The following RALYL variants were observed in gnomAD, a reference collection of about 807,000 sequenced individuals.
The protein encoded by RALYL is RALY RNA binding protein like.
Under a neutral mutation model 35.1 loss-of-function variants are expected in RALYL, and 29 were observed. The observed-to-expected ratio is 0.83, with a 90% CI of 0.61 to 1.13. RALYL has a LOEUF of 1.13. Ranked by LOEUF, RALYL falls within the 50% of genes most tolerant of loss-of-function variation. The probability of loss-of-function intolerance (pLI) is 0.00; values close to 1 mark genes in which losing one functional copy is unlikely to be tolerated. For synonymous variants in RALYL, 120 were observed against 127.6 expected (o/e 0.94, Z 0.40); for missense variants, 359 against 360.4 (o/e 1.00, Z 0.03).
chr8:84,427,081 A>G (rs2046570258), intron 1 of RALYL, among the ~76,000 whole-genome samples: 1 of 152,244 alleles, frequency 6.6e-6, no homozygotes, highest in Admixed American at 6.5e-5. Context: ...TGGTACATAT[A>G]TATAATTTTA....
chr8:84,570,262 A>G (rs969138268), intron 2 of RALYL, among the ~76,000 whole-genome samples: 2 of 151,518 alleles, frequency 1.3e-5, no homozygotes, highest in South Asian at 4.1e-4. Flanking sequence ...GATTTCTTTC[A>G]TCAGTATTTT....
chr8:84,523,349 GAAA>G (rs534837888), intron 1 of RALYL, among the ~76,000 whole-genome samples: 2 of 145,168 alleles, frequency 1.4e-5, no homozygotes, highest in African/African-American at 4.9e-5. Flanking sequence ...ACAGCATGGG[GAAA>G]AAAAAACCCA....
intron 2 of RALYL, among the ~76,000 whole-genome samples, chr8:84,652,430 T>C (rs1588771221): frequency 6.6e-6 from 1 of 152,078 alleles, no homozygotes; most frequent in Non-Finnish European, 1.5e-5. Flanking sequence ...TGAGTAATGA[T>C]AGTTTTATGC....
chr8:84,860,206 T>C (rs1837840602), intron 5 of RALYL, among the ~76,000 whole-genome samples: 1 of 152,250 alleles, frequency 6.6e-6, no homozygotes, highest in Admixed American at 6.5e-5. Flanking sequence ...GCCTGTATTT[T>C]TACTATAGCA....
chr8:84,780,366 G>T (rs184947701), intron 3 of RALYL, among the ~76,000 whole-genome samples: 1 of 152,194 alleles, frequency 6.6e-6, no homozygotes, highest in Non-Finnish European at 1.5e-5. Context: ...TATCTTTCCT[G>T]TGCAACCAAA....
chr8:84,708,667 T>C (rs1841632011), intron 2 of RALYL, among the ~76,000 whole-genome samples: 1 of 152,126 alleles, frequency 6.6e-6, no homozygotes. Flanking sequence ...TTTTTATACA[T>C]ATATAATAAC....
chr8:84,805,002 G>A (rs193123861), intron 4 of RALYL, among the ~76,000 whole-genome samples, 200 bp downstream of exon 4: 127 of 152,246 alleles, frequency 8.3e-4, no homozygotes, highest in African/African-American at 3.0e-3. Context: ...TGCAGCTAAT[G>A]AATGTATATG....
At chr8:84,801,182 T>C (rs1201430626) in intron 3 of RALYL, among the ~76,000 whole-genome samples, 1 of 152,138 alleles carries the variant, frequency 6.6e-6, no homozygotes, top group Non-Finnish European at 1.5e-5. Flanking sequence ...AGACAAAAGG[T>C]AGAGTGGCCT....
chr8:84,235,767 C>CTTTTTTTTTTTTTT (rs556495836), intron 1 of RALYL, among the ~76,000 whole-genome samples: 16 of 126,934 alleles, frequency 1.3e-4, no homozygotes, highest in Non-Finnish European at 1.8e-4. Context: ...TTTTCTTTTT[C>CTTTTTTTTTTTTTT]TTTTTTTTTT....
chr8:84,351,857 A>G (rs974918860), intron 1 of RALYL, among the ~76,000 whole-genome samples: 2 of 150,346 alleles, frequency 1.3e-5, no homozygotes, highest in East Asian at 1.9e-4. Flanking sequence ...CATTTTTAAT[A>G]CATTCATTAC....
intron 1 of RALYL, among the ~76,000 whole-genome samples, chr8:84,447,257 T>C (rs990615849): frequency 3.3e-5 from 5 of 152,204 alleles, no homozygotes; most frequent in African/African-American, 4.8e-5. Context: ...CACAGACTCT[T>C]CTAGGGAGCA....
At chr8:84,775,729 T>C (rs1010862629) in intron 3 of RALYL, among the ~76,000 whole-genome samples, 2 of 152,220 alleles carry the variant, frequency 1.3e-5, no homozygotes, top group African/African-American at 4.8e-5. Flanking sequence ...ACTTCTATTA[T>C]GTTAAGTAGA....
At chr8:84,527,958 G>T (rs1012346002) in intron 1 of RALYL, among the ~76,000 whole-genome samples, 1 of 152,084 alleles carries the variant, frequency 6.6e-6, no homozygotes, top group African/African-American at 2.4e-5. Flanking sequence ...AACTTAATTT[G>T]AAACATTTTA....
At chr8:84,445,671 C>A (rs783792) in intron 1 of RALYL, among the ~76,000 whole-genome samples, 70,377 of 151,016 alleles carry the variant, frequency 0.47, 16,493 homozygotes, top group South Asian at 0.54. Flanking sequence ...TATATTATAA[C>A]ATATATAGCT....
At chr8:84,336,272 A>T (rs1293497382) in intron 1 of RALYL, among the ~76,000 whole-genome samples, 1 of 152,158 alleles carries the variant, frequency 6.6e-6, no homozygotes, top group Non-Finnish European at 1.5e-5. Context: ...ACTGGAGCTG[A>T]GACGGTTTTT....
intron 2 of RALYL, among the ~76,000 whole-genome samples, chr8:84,698,034 G>C (rs1315734157): frequency 6.6e-6 from 1 of 152,004 alleles, no homozygotes; most frequent in Non-Finnish European, 1.5e-5. Context: ...TTCTGAATTT[G>C]GTTTCTTTGA....
chr8:84,589,771 C>A (rs780253407), intron 2 of RALYL, among the ~76,000 whole-genome samples: 1 of 152,062 alleles, frequency 6.6e-6, no homozygotes, highest in Non-Finnish European at 1.5e-5. Context: ...GCAATAAGAA[C>A]GCTAAAAGGG....
chr8:84,290,866 T>C (rs1041462434), intron 1 of RALYL, among the ~76,000 whole-genome samples: 2 of 152,184 alleles, frequency 1.3e-5, no homozygotes, highest in Non-Finnish European at 2.9e-5. Context: ...AAAAGTAGTA[T>C]ATTGAAATTA....
chr8:84,735,389 T>A lies in RALYL; in HGVS notation c.257-39190T>A, dbSNP rs559835915. Among the ~76,000 whole-genome samples, 18 of 152,186 alleles carry A rather than the reference T, an allele frequency of 1.2e-4. No individual in the cohort carries two copies. In the South Asian group the frequency reaches 2.7e-3, roughly 23 times the overall value. On this transcript the variant is annotated intron_variant, in intron 2 of 8. Transcript: ENST00000521268. The stretch of plus-strand genomic sequence containing the variant: ...AACAAAGCAACTTAAAGGCAATTTT[T>A]AAAAATTTTTCTCATATTAACATTC...
Sources: allele counts gnomAD v4.1 joint callset (sites outside exome capture counted in the v4.1 genomes callset), GRCh38; gene constraint gnomAD v4.1.1; transcripts MANE v1.5; gene names NCBI Gene and HGNC (gene_info 2026-07-23, HGNC 2026-07-21).